Variants in RASA3 observed in about 807,000 individuals in gnomAD.
RASA3 encodes RAS p21 protein activator 3.
RASA3 carries 73 observed loss-of-function variants against 110.0 expected under a neutral mutation model. The observed-to-expected ratio is 0.66, with a 90% confidence interval of 0.55 to 0.81. The LOEUF is 0.81. RASA3 is among the 30% of genes least tolerant of loss of function. The probability of loss-of-function intolerance (pLI) is 0.00; values close to 1 mark genes in which losing one functional copy is unlikely to be tolerated. For missense variants in RASA3, 976 were observed against 1,113.2 expected (o/e 0.88, Z 1.75); for synonymous variants, 500 against 451.4 (o/e 1.11, Z -1.37).
chr13:114,088,958 G>T (rs1392377829), intron 1 of RASA3, among the ~76,000 whole-genome samples: 1 of 152,104 alleles, frequency 6.6e-6, no homozygotes, highest in African/African-American at 2.4e-5. Flanking sequence ...AATAAATAGG[G>T]ATTAAAAACT....
At chr13:114,054,869 C>T (rs2079211460) in intron 2 of RASA3, among the ~76,000 whole-genome samples, 1 of 152,268 alleles carries the variant, frequency 6.6e-6, no homozygotes, top group African/African-American at 2.4e-5. Flanking sequence ...GCGAGCCATC[C>T]TCTGATCTCC....
rs892875666 is a variant in RASA3 at position 114,048,490 on chromosome 13, G to A, written c.277+3562C>T. ...AGCGGGAAAAGGAGGGAGGCGCCAGGATCGGGGGCGGAGACCCCAATGCTC... is the reference window on the plus strand; with the variant it reads ...AGCGGGAAAAGGAGGGAGGCGCCAGAATCGGGGGCGGAGACCCCAATGCTC... On this transcript the variant is annotated intron_variant, in intron 3 of 23. Transcript: ENST00000334062. The surrounding 1 kb of genome is among the most constrained non-coding windows in gnomAD (Gnocchi z 4.3). Among the ~76,000 whole-genome samples the A allele has an allele frequency of 2.0e-5, 3 of 152,176 alleles. No homozygotes were observed. Among genetic ancestry groups the A allele is most frequent in the African/African-American group, 7.2e-5 (3 of 41,452 alleles).
chr13:114,082,407 C>T (rs924905138), intron 1 of RASA3, among the ~76,000 whole-genome samples: 5 of 152,230 alleles, frequency 3.3e-5, no homozygotes, highest in Non-Finnish European at 7.3e-5. Context: ...TCTCTTATAA[C>T]GGGCAGTGGC....
chr13:114,030,656 A>G (rs61973880), intron 4 of RASA3, among the ~76,000 whole-genome samples: 44,914 of 152,170 alleles, frequency 0.3, 8,040 homozygotes, highest in African/African-American at 0.51. Flanking sequence ...TGCTGTGTCC[A>G]TCCACCTGTC....
chr13:114,001,725 G>A (rs987252209), intron 18 of RASA3, among the ~76,000 whole-genome samples: 12 of 151,874 alleles, frequency 7.9e-5, no homozygotes, highest in Admixed American at 7.9e-4. Flanking sequence ...CCGCGGGCTC[G>A]GGGTCAGAGC....
At chr13:113,990,985 A>G (rs9590414) in intron 22 of RASA3, among the ~76,000 whole-genome samples, 55,466 of 94,990 alleles carry the variant, frequency 0.58, 14,144 homozygotes, top group African/African-American at 0.74. Flanking sequence ...GGGCAGCTGC[A>G]CGGACACCCA....
chr13:114,125,039 G>A (rs143286825), intron 1 of RASA3, among the ~76,000 whole-genome samples: 1 of 152,242 alleles, frequency 6.6e-6, no homozygotes, highest in Non-Finnish European at 1.5e-5. Context: ...TCCCTGATCT[G>A]CGCACACTCA....
chr13:113,992,622 A>G, intron 21 of RASA3, 34 bp from the exon 22 acceptor site: 2 of 1,473,256 alleles, frequency 1.4e-6, no homozygotes, highest in Non-Finnish European at 1.9e-6. Context: ...AAAGATAAAA[A>G]CACTTATTTA....
Position 114,011,074 on chromosome 13 carries a change from G to C in RASA3, c.1590+97C>G. The C allele has an allele frequency of 8.9e-7, 1 of 1,125,996 alleles. No individual in the cohort carries two copies. 69.8% of individuals were successfully genotyped at this position (1,125,996 alleles called of 1,614,324 possible). On this transcript the variant is annotated intron_variant, in intron 16 of 23. Coordinates refer to ENST00000334062, the MANE Select transcript of RASA3 (RefSeq NM_007368.4). This position sits in a 1 kb window ranked among gnomAD's most constrained non-coding sequence, Gnocchi z 4.8. ...CTTTGATTCTTGATCTTTATCTTAC[G>C]ACTCTCTCAAATGTGGGAGGTTTTT...
At chr13:114,088,494 T>C (rs1177429422) in intron 1 of RASA3, among the ~76,000 whole-genome samples, 1 of 152,206 alleles carries the variant, frequency 6.6e-6, no homozygotes, top group Non-Finnish European at 1.5e-5. Context: ...TTCGACTTCC[T>C]TATCTGAAGG....
chr13:114,042,376 G>A (rs372043565), intron 3 of RASA3, among the ~76,000 whole-genome samples: 10 of 152,240 alleles, frequency 6.6e-5, no homozygotes, highest in Non-Finnish European at 1.3e-4. Flanking sequence ...CTAGGGAGTC[G>A]CACACACATG....
chr13:114,100,518 C>T (rs1200839486), intron 1 of RASA3, among the ~76,000 whole-genome samples: 1 of 152,246 alleles, frequency 6.6e-6, no homozygotes, highest in Non-Finnish European at 1.5e-5. Flanking sequence ...TGGGCCCAGT[C>T]CCCCTGCGCT....
At chr13:113,983,093 G>A (rs187935483) in intron 22 of RASA3, among the ~76,000 whole-genome samples, 2 of 147,602 alleles carry the variant, frequency 1.4e-5, no homozygotes, top group Non-Finnish European at 3.0e-5. Flanking sequence ...AGGCTGAAGG[G>A]GTTTGGGGGT....
chr13:113,993,304 T>C (rs1483663374), intron 21 of RASA3, among the ~76,000 whole-genome samples: 1 of 151,950 alleles, frequency 6.6e-6, no homozygotes, highest in African/African-American at 2.4e-5. Context: ...GCCTCCTGAG[T>C]AGCTGGGATT....
intron 1 of RASA3, among the ~76,000 whole-genome samples, chr13:114,128,504 C>G (rs2080478566): frequency 6.6e-6 from 1 of 152,252 alleles, no homozygotes; most frequent in Non-Finnish European, 1.5e-5. Context: ...CCAGGGGACC[C>G]TCCAGGCACC....
chr13:114,024,377 A>G (rs942979663), intron 7 of RASA3, 22 bp from the exon 8 acceptor site: 3 of 1,611,618 alleles, frequency 1.9e-6, no homozygotes, highest in Admixed American at 3.3e-5. Context: ...CGAGAGAGAA[A>G]GCGCTGAGAC....
At chr13:114,021,836 T>C (rs114464913) in intron 8 of RASA3, among the ~76,000 whole-genome samples, 1 of 150,546 alleles carries the variant, frequency 6.6e-6, no homozygotes, top group South Asian at 2.1e-4. Flanking sequence ...GGCTCTTACA[T>C]AGGAGGGAGC....
chr13:114,016,344 C>T, intron 12 of RASA3, 73 bp from the exon 13 acceptor site: 4 of 1,164,436 alleles, frequency 3.4e-6, no homozygotes, highest in Non-Finnish European at 5.2e-6. Context: ...GAAGGGGTCT[C>T]AGGCCTGGCT....
intron 18 of RASA3, among the ~76,000 whole-genome samples, chr13:114,002,596 G>A (rs72659530): frequency 0.016 from 2,423 of 152,338 alleles, 45 homozygotes; most frequent in Non-Finnish European, 0.018. Context: ...TTGAGTAGCA[G>A]TCTTGTTATA....
Sources: allele counts gnomAD v4.1 joint callset (sites outside exome capture counted in the v4.1 genomes callset), GRCh38; gene constraint gnomAD v4.1.1; non-coding constraint Gnocchi (gnomAD v3.1); transcripts MANE v1.5; gene names NCBI Gene and HGNC (gene_info 2026-07-23, HGNC 2026-07-21).